DOCK2: variants seen among roughly 807,000 people sequenced by gnomAD.
DOCK2 encodes dedicator of cytokinesis protein 2.
In DOCK2, 87 loss-of-function variants were observed where a neutral mutation model predicts 248.9. The ratio of observed to expected loss-of-function variants is 0.35; its 90% CI spans 0.29 to 0.42. The LOEUF (loss-of-function observed/expected upper bound fraction) is 0.42. Ranked by LOEUF, DOCK2 falls within the 10% of genes least tolerant of loss-of-function variation. DOCK2 has a pLI of 1.00. For missense variants in DOCK2, 1,747 were observed against 2,300.2 expected, an observed-to-expected ratio of 0.76 and a Z score of 4.92; for synonymous variants, 805 against 821.6, an observed-to-expected ratio of 0.98 and a Z score of 0.35.
rs1376367601 is a variant in DOCK2, at chr5:169,825,321, G to A, written c.2704-15436G>A. On this transcript the variant is annotated intron_variant, in intron 26 of 51. Coordinates refer to ENST00000520908, the MANE Select transcript of DOCK2 (RefSeq NM_004946.3). ...TGCTGCTATAAAGACACATGTACATGTATGTTTATTGTGGCACTATTCACA... is the reference window on the plus strand; with the variant it reads ...TGCTGCTATAAAGACACATGTACATATATGTTTATTGTGGCACTATTCACA... Among the ~76,000 whole-genome samples, 4 of 152,242 alleles carry A rather than the reference G, an allele frequency of 2.6e-5. No individual in the cohort carries two copies. The East Asian group carries it at 7.7e-4, about 29-fold the overall frequency.
chr5:169,759,518 T>A (rs1354597294), intron 23 of DOCK2, among the ~76,000 whole-genome samples, 187 bp from the exon 24 acceptor site: 1 of 152,220 alleles, frequency 6.6e-6, no homozygotes, highest in African/African-American at 2.4e-5. Flanking sequence ...AGTTGTGACT[T>A]CACTTTTGTA....
At chr5:169,759,620 C>A in intron 23 of DOCK2, 85 bp from the exon 24 acceptor site, 1 of 1,422,830 alleles carries the variant, frequency 7.0e-7, no homozygotes, top group Non-Finnish European at 9.9e-7. Flanking sequence ...CTCCTCTGAT[C>A]TGTGTCATGC....
intron 44 of DOCK2, among the ~76,000 whole-genome samples, chr5:170,059,669 T>C (rs1056769433): frequency 1.3e-5 from 2 of 152,356 alleles, no homozygotes; most frequent in African/African-American, 4.8e-5. Context: ...CTATTTTATT[T>C]TCTGCCATAC....
chr5:169,835,267 T>TTTG (rs1554106637), intron 26 of DOCK2, among the ~76,000 whole-genome samples: 25 of 149,554 alleles, frequency 1.7e-4, no homozygotes, highest in Non-Finnish European at 3.3e-4. Flanking sequence ...CTGGTTTTTT[T>TTTG]TTTTTTTTTT....
chr5:169,736,637 T>G (rs891090171), intron 22 of DOCK2, among the ~76,000 whole-genome samples: 1 of 152,236 alleles, frequency 6.6e-6, no homozygotes, highest in Non-Finnish European at 1.5e-5. Flanking sequence ...ATAAAGATGG[T>G]GAACAATTTT....
chr5:169,865,258 T>G (rs1031714508), intron 27 of DOCK2, among the ~76,000 whole-genome samples: 6 of 152,224 alleles, frequency 3.9e-5, no homozygotes, highest in Non-Finnish European at 8.8e-5. Flanking sequence ...CCCGTGCTGA[T>G]TATCACAAAC....
chr5:169,811,212 C>T (rs1360408510), intron 26 of DOCK2, among the ~76,000 whole-genome samples: 3 of 152,172 alleles, frequency 2.0e-5, no homozygotes, highest in South Asian at 2.1e-4. Context: ...TGCCTGTCTA[C>T]GCTTGGGCGC....
intron 27 of DOCK2, 77 bp downstream of exon 27, chr5:169,840,929 C>T: frequency 1.4e-6 from 2 of 1,444,708 alleles, no homozygotes; most frequent in South Asian, 2.4e-5. Context: ...AAAGGCAGAT[C>T]ACATTGAACT....
chr5:169,886,931 A>G (rs912660891), intron 27 of DOCK2, among the ~76,000 whole-genome samples: 4 of 152,156 alleles, frequency 2.6e-5, no homozygotes. Flanking sequence ...GGTATGTTTC[A>G]TTTACTCTCT....
At chr5:169,781,784 C>T (rs908000392) in intron 25 of DOCK2, among the ~76,000 whole-genome samples, 3 of 152,172 alleles carry the variant, frequency 2.0e-5, no homozygotes, top group Admixed American at 1.3e-4. Context: ...CGCCCCCTCT[C>T]CCGCCCCCAC....
chr5:169,812,693 C>A (rs2113192467), intron 26 of DOCK2, among the ~76,000 whole-genome samples: 1 of 152,356 alleles, frequency 6.6e-6, no homozygotes, highest in East Asian at 1.9e-4. Context: ...AAATAATCTG[C>A]ACTCTATGCA....
intron 27 of DOCK2, among the ~76,000 whole-genome samples, chr5:169,904,385 CT>C (rs1401476582): frequency 1.2e-4 from 19 of 152,182 alleles, no homozygotes; most frequent in Non-Finnish European, 2.5e-4. Context: ...CTTGTTCTCT[CT>C]AAATCACCTA....
At chr5:169,701,100 T>C (rs1288279707) in intron 13 of DOCK2, among the ~76,000 whole-genome samples, 6 of 152,360 alleles carry the variant, frequency 3.9e-5, no homozygotes, top group African/African-American at 1.4e-4. Context: ...TTATGAGGGC[T>C]ATAACTTTGA....
At chr5:170,057,489 G>C (rs1329271130) in intron 43 of DOCK2, 91 bp from the exon 44 acceptor site, 3 of 1,146,244 alleles carry the variant, frequency 2.6e-6, no homozygotes, top group Non-Finnish European at 3.9e-6. Context: ...CCGGGGACCT[G>C]GCTGGGTTTC....
intron 1 of DOCK2, among the ~76,000 whole-genome samples, chr5:169,646,852 C>G (rs1407920871): frequency 3.3e-5 from 5 of 152,208 alleles, no homozygotes; most frequent in Admixed American, 6.5e-5. Context: ...GGTTTGAATT[C>G]TTGAAGCCAG....
intron 41 of DOCK2, among the ~76,000 whole-genome samples, chr5:170,054,478 C>T (rs1391216783): frequency 6.6e-6 from 1 of 152,230 alleles, no homozygotes; most frequent in Non-Finnish European, 1.5e-5. Context: ...GTCTGACCCA[C>T]ATAGTGCTTT....
At chr5:169,925,419 A>C (rs1453429497) in intron 27 of DOCK2, among the ~76,000 whole-genome samples, 1 of 151,994 alleles carries the variant, frequency 6.6e-6, no homozygotes, top group African/African-American at 2.4e-5. Context: ...ATCTTTACTA[A>C]AATTACAAAA....
chr5:169,678,018 C>T (rs1425448693), intron 6 of DOCK2, among the ~76,000 whole-genome samples: 1 of 152,132 alleles, frequency 6.6e-6, no homozygotes, highest in African/African-American at 2.4e-5. Context: ...TGTAGATGAT[C>T]CATCTTGAGG....
At chr5:169,702,622 C>T in intron 14 of DOCK2, 195 bp downstream of exon 14, 2 of 628,528 alleles carry the variant, frequency 3.2e-6, no homozygotes, top group Middle Eastern at 9.5e-4. Context: ...TATTTCCTTA[C>T]ACCAAAGCAG....
Sources: allele counts gnomAD v4.1 joint callset (sites outside exome capture counted in the v4.1 genomes callset), GRCh38; gene constraint gnomAD v4.1.1; transcripts MANE v1.5; gene names NCBI Gene and HGNC (gene_info 2026-07-23, HGNC 2026-07-21).